FAM20B: variants seen among roughly 807,000 people sequenced by gnomAD.
FAM20B encodes the protein glycosaminoglycan xylosylkinase.
In FAM20B, 23 loss-of-function variants were observed where a neutral mutation model predicts 43.8. The observed-to-expected ratio is 0.53, with a 90% CI of 0.38 to 0.74. The LOEUF (loss-of-function observed/expected upper bound fraction) is 0.74. Among genes scored for constraint, FAM20B ranks in the 30% least tolerant of loss-of-function variants. FAM20B has a pLI of 0.00. For synonymous variants in FAM20B, 178 were observed against 192.4 expected (o/e 0.93, Z 0.62); for missense variants, 440 against 510.5 (o/e 0.86, Z 1.33).
chr1:179,072,103 A>T lies in FAM20B; in HGVS notation c.1189A>T (p.Thr397Ser). Residue 397 changes from threonine (T) to serine (S), a missense_variant, in exon 8 of 8, where the codon ACA (threonine) becomes TCA (serine). Transcript: ENST00000263733. ...GTGCACCGACCAGTTTGGGATGGAC[A>T]CAGTACTGGTGGAAGACAGGATGCC... ...KQCTDQFGMD[T>S]VLVEDRMPLS... 6.2e-7 allele frequency: 1 copy of T among 1,614,004 alleles called. No homozygotes were observed. The highest frequency in any genetic ancestry group is 1.7e-4 in the Middle Eastern group (1 of 6,060).
chr1:179,059,401 A>G (rs919234342), intron 4 of FAM20B, among the ~76,000 whole-genome samples: 3 of 152,126 alleles, frequency 2.0e-5, no homozygotes, highest in African/African-American at 7.2e-5. Context: ...AGGAGGTACT[A>G]TTGTTGTCTC....
intron 4 of FAM20B, among the ~76,000 whole-genome samples, 182 bp downstream of exon 4, chr1:179,054,820 T>A (rs1238069626): frequency 1.3e-5 from 2 of 152,196 alleles, no homozygotes; most frequent in African/African-American, 2.4e-5. Flanking sequence ...GGCAGGAAAT[T>A]GAAATTTTCC....
At chr1:179,058,903 A>G (rs1651341159) in intron 4 of FAM20B, among the ~76,000 whole-genome samples, 1 of 152,206 alleles carries the variant, frequency 6.6e-6, no homozygotes. Flanking sequence ...AATGACTCCT[A>G]GGTTTCTGGA....
intron 1 of FAM20B, among the ~76,000 whole-genome samples, chr1:179,030,503 T>A (rs1649963969): frequency 6.6e-6 from 1 of 152,202 alleles, no homozygotes. Flanking sequence ...GGAACCAGGT[T>A]GGCAATAGCA....
At chr1:179,052,823 C>T (rs75497617) in intron 3 of FAM20B, among the ~76,000 whole-genome samples, 8,992 of 152,204 alleles carry the variant, frequency 0.059, 329 homozygotes, top group South Asian at 0.12. Flanking sequence ...ATCTGTTTGC[C>T]TCTTTTCTTC....
upstream of FAM20B, among the ~76,000 whole-genome samples, chr1:179,023,618 A>G (rs1375327517): frequency 6.6e-6 from 1 of 152,236 alleles, no homozygotes. Context: ...CAGTGAATGA[A>G]TGAATAAACA....
rs1032385896 is a variant in FAM20B, at chr1:179,072,386, G to T, written c.*242G>T. Reference sequence around the variant, plus strand: ...CCTCCTCGGCAATTGCTCATTCTAGGGTTGGGCATCATAGTTGGTCAGTCT... The same window carrying T: ...CCTCCTCGGCAATTGCTCATTCTAGTGTTGGGCATCATAGTTGGTCAGTCT... On this transcript the variant is annotated 3_prime_UTR_variant, in exon 8 of 8. Transcript: ENST00000263733. 1 of 512,422 alleles carries T rather than the reference G, an allele frequency of 2.0e-6. No individual in the cohort carries two copies. The highest frequency in any genetic ancestry group is 3.5e-6 in the Non-Finnish European group (1 of 283,608). The allele number at this position is 512,422 out of a possible 1,614,324, so 31.7% of individuals were successfully genotyped here. A position where few individuals can be genotyped will look rare whatever the true frequency, so the allele number is the denominator to read the frequency against.
chr1:179,035,247 A>T, intron 1 of FAM20B: 1 of 507,054 alleles, frequency 2.0e-6, no homozygotes, highest in East Asian at 4.2e-5. Context: ...TTTAAGTACA[A>T]TTTCCATTGT....
chr1:179,072,521 C>T lies in FAM20B; in HGVS notation c.*377C>T, dbSNP rs547523466. On this transcript the variant is annotated 3_prime_UTR_variant, in exon 8 of 8. Coordinates refer to ENST00000263733, the MANE Select transcript of FAM20B (RefSeq NM_014864.4). The stretch of plus-strand genomic sequence containing the variant: ...AACCTTGCAGTCCTTTCTCTACGCC[C>T]GTGGATTTTGTGGAAACACTTTGCA... The T allele has an allele frequency of 3.8e-5, 7 of 183,184 alleles. No homozygotes were observed. The highest frequency in any genetic ancestry group is 2.9e-4 in the South Asian group (2 of 6,848). 11.3% of individuals were successfully genotyped at this position (183,184 alleles called of 1,614,324 possible). A position where few individuals can be genotyped will look rare whatever the true frequency, so the allele number is the denominator to read the frequency against.
At chr1:179,019,463 G>C in the FAM20B span, among the ~76,000 whole-genome samples, 73,786 of 148,168 alleles carry the variant, frequency 0.5, 18,807 homozygotes, top group East Asian at 0.77. Context: ...TTGTTTGTTT[G>C]TTTCTTTTTT....
chr1:179,027,054 G>T (rs1297331240), intron 1 of FAM20B, among the ~76,000 whole-genome samples: 1 of 152,182 alleles, frequency 6.6e-6, no homozygotes, highest in African/African-American at 2.4e-5. Context: ...TGCGACTTGG[G>T]TCTAGTGCCA....
chr1:179,028,222 C>G (rs578038606), intron 1 of FAM20B, among the ~76,000 whole-genome samples: 1 of 152,300 alleles, frequency 6.6e-6, no homozygotes, highest in African/African-American at 2.4e-5. Flanking sequence ...CAGAGGTTGT[C>G]TTTTGGTGAT....
the FAM20B span, among the ~76,000 whole-genome samples, chr1:179,020,323 C>A: frequency 1.3e-5 from 2 of 152,196 alleles, no homozygotes; most frequent in Non-Finnish European, 2.9e-5. Context: ...CCACAGGCTT[C>A]TGTATGTCTA....
intron 7 of FAM20B, among the ~76,000 whole-genome samples, chr1:179,070,441 T>A (rs1364252139): frequency 6.6e-6 from 1 of 151,930 alleles, no homozygotes; most frequent in African/African-American, 2.4e-5. Flanking sequence ...ACAAGGGACT[T>A]ATTGCTGTGT....
chr1:179,043,891 T>A lies in FAM20B; in HGVS notation c.44T>A (p.Val15Asp). The A allele has an allele frequency of 6.2e-7, 1 of 1,609,484 alleles. No individual in the cohort carries two copies. Among genetic ancestry groups the A allele is most frequent in the Non-Finnish European group, 8.5e-7 (1 of 1,176,000 alleles). The change falls in exon 2 of 8, where the codon GTC (valine) becomes GAC (aspartate). Residue 15 changes from valine (V) to aspartate (D), a missense_variant. Physicochemically the swap from Val to Asp is radical, Grantham distance 152 (BLOSUM62 -3). Coordinates refer to ENST00000263733, the MANE Select transcript of FAM20B (RefSeq NM_014864.4). ...GTCGTGCTGTTAGCAATTCTCCTTG[T>A]CATTTTTATCTTCACCAAAGTTTTC... ...QRVVLLAILL[V>D]IFIFTKVFLI...
chr1:179,068,898 G>T (rs1651801992), intron 7 of FAM20B, among the ~76,000 whole-genome samples: 1 of 152,210 alleles, frequency 6.6e-6, no homozygotes, highest in African/African-American at 2.4e-5. Flanking sequence ...AGAGAAGTTT[G>T]CTAGTTTGCA....
At chr1:179,036,045 G>A (rs1480517474) in intron 1 of FAM20B, among the ~76,000 whole-genome samples, 2 of 152,122 alleles carry the variant, frequency 1.3e-5, no homozygotes, top group Admixed American at 6.5e-5. Flanking sequence ...CAGGACAATC[G>A]CTTGAATCCA....
chr1:179,059,177 G>C lies in FAM20B; in HGVS notation c.574+4539G>C, dbSNP rs569879274. Among the ~76,000 whole-genome samples the C allele has an allele frequency of 2.3e-4, 35 of 152,310 alleles. 1 individual carries two copies. In the South Asian group the frequency reaches 6.6e-3, roughly 29 times the overall value. Reference sequence around the variant, plus strand: ...GAGAGCATGGAGACTGAGTTGATCAGAAAACCAGTTTTTAAAAGTTTGGCA... The same window carrying C: ...GAGAGCATGGAGACTGAGTTGATCACAAAACCAGTTTTTAAAAGTTTGGCA... On this transcript the variant is annotated intron_variant, in intron 4 of 7. Coordinates refer to ENST00000263733, the MANE Select transcript of FAM20B (RefSeq NM_014864.4).
intron 1 of FAM20B, among the ~76,000 whole-genome samples, chr1:179,034,402 C>CT (rs1032438415): frequency 2.6e-4 from 39 of 150,864 alleles, no homozygotes; most frequent in East Asian, 9.8e-4. Flanking sequence ...CTCTCTCTCT[C>CT]TTTTTTTTTA....
Sources: gnomAD v4.1 joint callset for allele counts (sites outside exome capture counted in the v4.1 genomes callset) on GRCh38, gnomAD v4.1.1 for gene constraint, MANE v1.5 for transcripts, NCBI Gene and HGNC (gene_info 2026-07-23, HGNC 2026-07-21) for gene names.